The following FAT3 variants were observed in gnomAD, a reference collection of about 807,000 sequenced individuals.
FAT3 encodes the protein FAT atypical cadherin 3.
In FAT3, 95 loss-of-function variants were observed where a neutral mutation model predicts 310.2. The observed-to-expected ratio is 0.31, with a 90% CI of 0.26 to 0.36. The LOEUF (loss-of-function observed/expected upper bound fraction) is 0.36, where lower values mean the gene tolerates loss of function less well. Ranked by LOEUF, FAT3 falls within the 10% of genes least tolerant of loss-of-function variation. The probability of loss-of-function intolerance (pLI) is 1.00; values close to 1 mark genes in which losing one functional copy is unlikely to be tolerated. For missense variants in FAT3, 5,408 were observed against 5,715.6 expected (o/e 0.95, Z 1.74); for synonymous variants, 2,314 against 2,192.9 (o/e 1.06, Z -1.54).
intron 3 of FAT3, among the ~76,000 whole-genome samples, chr11:92,579,157 G>A (rs555262086): frequency 6.6e-6 from 1 of 152,124 alleles, no homozygotes; most frequent in East Asian, 1.9e-4. Flanking sequence ...GCTACATCAG[G>A]ATCCTACAAC....
chr11:92,814,164 A>G (rs117386273), intron 13 of FAT3, among the ~76,000 whole-genome samples: 2,510 of 152,290 alleles, frequency 0.016, 41 homozygotes, highest in Non-Finnish European at 0.023. Context: ...TTGTTTATAA[A>G]TTACGAAGTC....
chr11:92,656,525 A>G (rs973474596), intron 3 of FAT3, among the ~76,000 whole-genome samples: 11 of 152,198 alleles, frequency 7.2e-5, no homozygotes, highest in Admixed American at 6.5e-5. Flanking sequence ...GCACAACCAA[A>G]CCACCAGACA....
intron 4 of FAT3, among the ~76,000 whole-genome samples, chr11:92,711,321 A>G (rs866745125): frequency 2.0e-5 from 3 of 152,082 alleles, no homozygotes; most frequent in Admixed American, 6.6e-5. Flanking sequence ...TTTCCATTGC[A>G]TGGGATCTCA....
intron 2 of FAT3, among the ~76,000 whole-genome samples, chr11:92,428,258 C>T: frequency 6.8e-6 from 1 of 147,972 alleles, no homozygotes; most frequent in South Asian, 2.1e-4. Context: ...TTTGATTCTT[C>T]TCTGTTTTCT....
chr11:92,612,242 A>T (rs547048012), intron 3 of FAT3, among the ~76,000 whole-genome samples: 1 of 152,334 alleles, frequency 6.6e-6, no homozygotes, highest in African/African-American at 2.4e-5. Flanking sequence ...TACAGAAATG[A>T]CAATTGGTCA....
At chr11:92,504,904 G>C (rs995967006) in intron 2 of FAT3, among the ~76,000 whole-genome samples, 2 of 152,122 alleles carry the variant, frequency 1.3e-5, no homozygotes, top group African/African-American at 4.8e-5. Flanking sequence ...TTATAAGTAT[G>C]GTGGTGAAAT....
chr11:92,364,891 G>A (rs1017019176), intron 2 of FAT3, among the ~76,000 whole-genome samples: 22 of 152,144 alleles, frequency 1.4e-4, no homozygotes, highest in African/African-American at 5.3e-4. Flanking sequence ...CAGTATACTG[G>A]TGAGAATAAT....
At chr11:92,579,047 G>A (rs1467958180) in intron 3 of FAT3, among the ~76,000 whole-genome samples, 2 of 152,026 alleles carry the variant, frequency 1.3e-5, no homozygotes, top group African/African-American at 2.4e-5. Flanking sequence ...AACAAGATGG[G>A]TATCTATAGT....
chr11:92,599,146 T>C (rs1417778978), intron 3 of FAT3, among the ~76,000 whole-genome samples: 1 of 152,198 alleles, frequency 6.6e-6, no homozygotes, highest in African/African-American at 2.4e-5. Flanking sequence ...GGAATTGTAT[T>C]AGTCCATTTC....
chr11:92,750,696 C>T (rs996960657), intron 4 of FAT3, among the ~76,000 whole-genome samples: 1 of 152,080 alleles, frequency 6.6e-6, no homozygotes, highest in Non-Finnish European at 1.5e-5. Context: ...CAACTTAATA[C>T]TGGCTTGGTA....
intron 5 of FAT3, among the ~76,000 whole-genome samples, chr11:92,763,479 A>G (rs1380132813): frequency 2.0e-5 from 3 of 152,088 alleles, no homozygotes; most frequent in African/African-American, 7.2e-5. Flanking sequence ...TCCTGCCCCA[A>G]TCCCATTCTC....
intron 22 of FAT3, among the ~76,000 whole-genome samples, chr11:92,871,584 GAC>G (rs1949394075): frequency 6.6e-6 from 1 of 152,142 alleles, no homozygotes; most frequent in South Asian, 2.1e-4. Flanking sequence ...TTGTTTAAAT[GAC>G]ACCTTGTTAT....
rs555021154 is a variant in FAT3, at chr11:92,766,051, C to T, written c.4195+962C>T. ...CTAGATATATAGCCAGTCAGCCTCCCCCGCAAGCCGAATAGAGGAAGCAGA... is the reference window on the plus strand; with the variant it reads ...CTAGATATATAGCCAGTCAGCCTCCTCCGCAAGCCGAATAGAGGAAGCAGA... On this transcript the variant is annotated intron_variant, in intron 6 of 27. Transcript: ENST00000525166. 2.9e-4 allele frequency among the ~76,000 whole-genome samples: 44 copies of T among 152,150 alleles called. 1 individual carries two copies. The highest frequency in any genetic ancestry group is 1.1e-3 in the African/African-American group (44 of 41,508).
At chr11:92,673,644 C>T (rs1299960552) in intron 3 of FAT3, among the ~76,000 whole-genome samples, 1 of 152,228 alleles carries the variant, frequency 6.6e-6, no homozygotes, top group Non-Finnish European at 1.5e-5. Flanking sequence ...CAGAAGATGC[C>T]TCAATGGTGC....
chr11:92,766,134 A>G (rs1352470648), intron 6 of FAT3, among the ~76,000 whole-genome samples: 1 of 152,178 alleles, frequency 6.6e-6, no homozygotes. Flanking sequence ...AAAGAAAGCA[A>G]GCAAGCACGC....
In FAT3 at chr11:92,493,189, C is replaced by T. The variant is rs139130948; in HGVS notation, c.3293-31445C>T. Among the ~76,000 whole-genome samples, 1,162 of 152,118 alleles carry T rather than the reference C, an allele frequency of 7.6e-3. 11 individuals carry two copies. Among genetic ancestry groups the T allele is most frequent in the African/African-American group, 0.027 (1,104 of 41,514 alleles). On this transcript the variant is annotated intron_variant, in intron 2 of 27. Coordinates refer to ENST00000525166, the MANE Select transcript of FAT3 (RefSeq NM_001367949.2). Reference sequence around the variant, plus strand: ...TTCTCCAGAAATGAATATTTTTTCCCCAATCCTAGCTTGAATTCTCAGAAT... The same window carrying T: ...TTCTCCAGAAATGAATATTTTTTCCTCAATCCTAGCTTGAATTCTCAGAAT...
intron 13 of FAT3, among the ~76,000 whole-genome samples, chr11:92,819,660 T>G (rs187431004): frequency 1.3e-5 from 2 of 152,340 alleles, no homozygotes; most frequent in South Asian, 4.1e-4. Flanking sequence ...ATTTTTTAAG[T>G]TGTTGTATAG....
intron 2 of FAT3, chr11:92,408,102 T>C (rs919551305): frequency 2.0e-5 from 3 of 152,248 alleles, no homozygotes; most frequent in Non-Finnish European, 4.4e-5. Context: ...ATTCCAGCAG[T>C]GTTCAGTTTC....
At chr11:92,721,032 C>A (rs1463299810) in intron 4 of FAT3, among the ~76,000 whole-genome samples, 1 of 152,112 alleles carries the variant, frequency 6.6e-6, no homozygotes, top group Non-Finnish European at 1.5e-5. Flanking sequence ...ACACATCATC[C>A]CATCACCCAG....
Sources: gnomAD v4.1 joint callset for allele counts (sites outside exome capture counted in the v4.1 genomes callset) on GRCh38, gnomAD v4.1.1 for gene constraint, MANE v1.5 for transcripts, NCBI Gene and HGNC (gene_info 2026-07-23, HGNC 2026-07-21) for gene names.